The following KATNB1 variants were observed in gnomAD, a reference collection of about 807,000 sequenced individuals.
KATNB1 encodes the protein katanin regulatory subunit B1, also known as katanin p80 WD40 repeat-containing subunit B1.
Under a neutral mutation model 82.3 loss-of-function variants are expected in KATNB1, and 38 were observed. The observed-to-expected ratio is 0.46, with a 90% CI of 0.36 to 0.61. KATNB1 has a LOEUF of 0.61. KATNB1 is among the 20% of genes least tolerant of loss of function. The pLI, the probability that KATNB1 is intolerant of heterozygous loss-of-function variation, is 0.00. For synonymous variants in KATNB1, 361 were observed against 368.7 expected (o/e 0.98, Z 0.24); for missense variants, 749 against 915.7 (o/e 0.82, Z 2.35).
At position 57,751,114 on chromosome 16, in the gene KATNB1, T is replaced by TA; in HGVS notation, c.391-146dup. ...ATGCTTCTGCTCAGAATGCCAGCTT[T>TA]AGTGAGCAGTTTCTGTCCTTGTCTC... On this transcript the variant is annotated intron_variant, in intron 5 of 19. Coordinates refer to ENST00000379661, the MANE Select transcript of KATNB1 (RefSeq NM_005886.3). The surrounding 1 kb of genome is among the most constrained non-coding windows in gnomAD (Gnocchi z 6.3). The TA allele has an allele frequency of 3.5e-6, 3 of 856,108 alleles. No homozygotes were observed. The highest frequency in any genetic ancestry group is 5.8e-6 in the Non-Finnish European group (3 of 520,560). The allele number at this position is 856,108 out of a possible 1,614,324, so 53.0% of individuals were successfully genotyped here.
intron 4 of KATNB1, among the ~76,000 whole-genome samples, chr16:57,749,583 A>T (rs922225217): frequency 6.6e-6 from 1 of 152,052 alleles, no homozygotes; most frequent in Non-Finnish European, 1.5e-5. Flanking sequence ...GAATGGCTGG[A>T]CTCCCACATT....
chr16:57,753,346 C>CA, intron 11 of KATNB1, 43 bp from the exon 12 acceptor site: 1 of 1,592,332 alleles, frequency 6.3e-7, no homozygotes, highest in Non-Finnish European at 8.6e-7. Flanking sequence ...CCCTGGGCCT[C>CA]ACAGGGCACC....
At position 57,757,031 on chromosome 16, in the gene KATNB1, T is replaced by G. The variant is rs1192427017; in HGVS notation, c.*85T>G. On this transcript the variant is annotated 3_prime_UTR_variant, in exon 20 of 20. Transcript: ENST00000379661. ...TGTTCCTTGTGCACCCACTGGCCCATGAGCCTCTGCCTGGCCCCTGCTGCT... is the reference window on the plus strand; with the variant it reads ...TGTTCCTTGTGCACCCACTGGCCCAGGAGCCTCTGCCTGGCCCCTGCTGCT... 1 of 1,367,606 alleles carries G rather than the reference T, an allele frequency of 7.3e-7. No individual in the cohort carries two copies. The highest frequency in any genetic ancestry group is 1.5e-5 in the African/African-American group (1 of 67,584). 84.7% of individuals were successfully genotyped at this position (1,367,606 alleles called of 1,614,324 possible).
In KATNB1 at chr16:57,756,185, GCAT is replaced by G; in HGVS notation, c.1718+120_1718+122del. On this transcript the variant is annotated intron_variant, in intron 18 of 19. Transcript: ENST00000379661. ...GGTGTTCCTGTGAGCTGGCTGTGAA[GCAT>G]TGCTGCCCCTCAACAGTCCGGAGGT... 2.4e-6 allele frequency: 3 copies of G among 1,259,270 alleles called. No individual in the cohort carries two copies. The East Asian group carries it at 6.9e-5, about 29-fold the overall frequency. The allele number at this position is 1,259,270 out of a possible 1,614,324, so 78.0% of individuals were successfully genotyped here.
At chr16:57,753,616 T>C in intron 12 of KATNB1, 97 bp downstream of exon 12, 1 of 1,483,328 alleles carries the variant, frequency 6.7e-7, no homozygotes. Flanking sequence ...CGCATCCCTT[T>C]AACTTCCTCC....
At position 57,753,088 on chromosome 16, in the gene KATNB1, C is replaced by G; in HGVS notation, c.867C>G (p.Ala289=). ...AICNDQLIGV[A]FSQSNVSSYV... is the part of the protein sequence containing the mutation. ...TCCGCTTTCTGCAGATAGGTGTGGC[C>G]TTCTCCCAGAGCAACGTCTCCTCCT... is the stretch of plus-strand genomic sequence containing the variant. Residue 289 remains alanine, a synonymous_variant, in exon 11 of 20, where the codon GCC becomes GCG. Transcript: ENST00000379661. 4 of 1,604,234 alleles carry G rather than the reference C, an allele frequency of 2.5e-6. No homozygotes were observed. The highest frequency in any genetic ancestry group is 3.4e-6 in the Non-Finnish European group (4 of 1,175,326).
intron 13 of KATNB1, among the ~76,000 whole-genome samples, chr16:57,754,595 G>A (rs571048009): frequency 1.1e-4 from 16 of 152,310 alleles, no homozygotes; most frequent in East Asian, 9.6e-4. Flanking sequence ...CGTCCTTGCC[G>A]TCAGTCCTGG....
chr16:57,755,629 A>G, intron 16 of KATNB1, 135 bp downstream of exon 16: 1 of 1,206,852 alleles, frequency 8.3e-7, no homozygotes. Context: ...ACGTCACACC[A>G]TCTGTTTCCG....
intron 3 of KATNB1, 40 bp downstream of exon 3, chr16:57,741,857 T>G (rs2049145867): frequency 6.3e-7 from 1 of 1,595,604 alleles, no homozygotes; most frequent in African/African-American, 1.3e-5. Context: ...GACAAGGGCC[T>G]GGGGAGGGGA....
At chr16:57,752,680 C>T (rs1457031590) in intron 9 of KATNB1, 79 bp downstream of exon 9, 26 of 1,547,626 alleles carry the variant, frequency 1.7e-5, no homozygotes, top group African/African-American at 8.2e-5. Context: ...TTCCCATCTC[C>T]GCTGCTGCGC....
intron 1 of KATNB1, chr16:57,736,260 CAG>C (rs1157518857): frequency 3.3e-5 from 5 of 152,096 alleles, no homozygotes; most frequent in Non-Finnish European, 7.3e-5. Context: ...GTGGGAGACT[CAG>C]GGGGCAGGGA....
intron 2 of KATNB1, among the ~76,000 whole-genome samples, chr16:57,738,615 A>AG (rs5817118): frequency 0.14 from 21,399 of 152,176 alleles, 1,653 homozygotes; most frequent in Middle Eastern, 0.23. Context: ...AGCTCTTTGC[A>AG]GGGCCTCTGT....
chr16:57,753,593 C>T (rs2049249725), intron 12 of KATNB1, 74 bp downstream of exon 12: 3 of 1,567,234 alleles, frequency 1.9e-6, no homozygotes, highest in Non-Finnish European at 2.6e-6. Context: ...TCCAGGGTAG[C>T]CTGCTGTGGC....
intron 8 of KATNB1, 23 bp downstream of exon 8, chr16:57,752,078 G>T: frequency 6.6e-7 from 1 of 1,509,162 alleles, no homozygotes; most frequent in Non-Finnish European, 9.2e-7. Flanking sequence ...AGCGAGGCGA[G>T]TTGCTTGTGA....
rs1041773791 is a variant in KATNB1 at position 57,755,557 on chromosome 16, G to T, written c.1566+63G>T. 6 of 1,574,892 alleles carry T rather than the reference G, an allele frequency of 3.8e-6. No homozygotes were observed. The South Asian group carries it at 6.9e-5, about 18-fold the overall frequency. ...CCCTGCCCCTGCCACCTGCCTGCCCGGGCTTGGGGCAGAACAAGAAGAGGC... is the reference window on the plus strand; with the variant it reads ...CCCTGCCCCTGCCACCTGCCTGCCCTGGCTTGGGGCAGAACAAGAAGAGGC... On this transcript the variant is annotated intron_variant, in intron 16 of 19. Coordinates refer to ENST00000379661, the MANE Select transcript of KATNB1 (RefSeq NM_005886.3).
chr16:57,752,037 C>T lies in KATNB1; in HGVS notation c.614C>T (p.Ala205Val). 3 of 1,611,784 alleles carry T rather than the reference C, an allele frequency of 1.9e-6. No homozygotes were observed. The highest frequency in any genetic ancestry group is 2.2e-5 in the South Asian group (2 of 90,982). Residue 205 changes from alanine to valine, a missense_variant, in exon 8 of 20, where the codon GCC (alanine) becomes GTC (valine). Around this residue, in one of 3 missense-constraint regions of KATNB1, gnomAD observed 247 missense variants for 349.4 expected, o/e 0.71. Transcript: ENST00000379661. ...TTTCACCCCAACGAGTACCTCCTGG[C>T]CTCCGGCAGCTCTGACAGGTGAGGA... ...VEFHPNEYLL[A>V]SGSSDRTIRF...
intron 3 of KATNB1, among the ~76,000 whole-genome samples, chr16:57,742,574 C>T (rs2049151292): frequency 6.6e-6 from 1 of 152,232 alleles, no homozygotes; most frequent in African/African-American, 2.4e-5. Flanking sequence ...TACACTGCCA[C>T]TCTTGTGCAG....
Position 57,744,423 on chromosome 16 carries a change from G to C in KATNB1, c.201G>C (p.Glu67Asp), listed in dbSNP as rs1322491609. Residue 67 changes from glutamate to aspartate, a missense_variant, in exon 4 of 20, where the codon GAG becomes GAC. Around this residue, in one of 3 missense-constraint regions of KATNB1, gnomAD observed 247 missense variants for 349.4 expected, o/e 0.71. Coordinates refer to ENST00000379661, the MANE Select transcript of KATNB1 (RefSeq NM_005886.3). ...MSLTGHTSPV[E>D]SVRLNTPEEL... is the part of the protein sequence containing the mutation. ...TGACGGGCCACACATCCCCAGTGGA[G>C]AGCGTCCGCCTCAACACCCCCGAGG... 1 of 1,613,832 alleles carries C rather than the reference G, an allele frequency of 6.2e-7. No homozygotes were observed.
chr16:57,755,943 G>A (rs1284054020), intron 17 of KATNB1, 26 bp downstream of exon 17: 2 of 1,608,140 alleles, frequency 1.2e-6, no homozygotes, highest in African/African-American at 2.7e-5. Context: ...GGGGGAGTGG[G>A]CGGAGGGGCA....
Sources: gnomAD v4.1 joint callset for allele counts (sites outside exome capture counted in the v4.1 genomes callset) on GRCh38, gnomAD v4.1.1 for gene constraint, gnomAD v4.1.1 regional missense constraint, Gnocchi (gnomAD v3.1) non-coding constraint, MANE v1.5 for transcripts, NCBI Gene and HGNC (gene_info 2026-07-23, HGNC 2026-07-21) for gene names.